Variants in ACBD4 observed in about 807,000 individuals in gnomAD.
ACBD4 encodes the protein acyl-CoA-binding domain-containing protein 4.
A neutral mutation model predicts 46.0 loss-of-function variants in ACBD4; 41 were observed. The ratio of observed to expected loss-of-function variants is 0.89; its 90% confidence interval spans 0.69 to 1.16. The LOEUF is 1.16. Ranked by LOEUF, ACBD4 falls within the 50% of genes most tolerant of loss-of-function variation. The pLI is 0.00. For synonymous variants in ACBD4, 162 were observed against 155.9 expected (o/e 1.04, Z -0.29); for missense variants, 393 against 399.5 (o/e 0.98, Z 0.14).
chr17:45,137,953 A>G lies in ACBD4; in HGVS notation c.614A>G (p.Asp205Gly), dbSNP rs2054977669. 4 of 1,613,818 alleles carry G rather than the reference A, an allele frequency of 2.5e-6. No individual in the cohort carries two copies. In the East Asian group the frequency reaches 8.9e-5, roughly 36 times the overall value. Reference protein sequence around the residue: ...EQRAASGGKRDPRNSPVPPTK... With the variant: ...EQRAASGGKRGPRNSPVPPTK... ...CGGGCAGCATCTGGAGGAAAGCGTGATCCCAGGAACAGCCCCGTGCCCCCC... is the reference window on the plus strand; with the variant it reads ...CGGGCAGCATCTGGAGGAAAGCGTGGTCCCAGGAACAGCCCCGTGCCCCCC... Residue 205 changes from aspartate (D) to glycine (G), a missense_variant, in exon 8 of 10, where the codon GAT (aspartate) becomes GGT (glycine). This residue lies in a region of ACBD4 where 308 missense variants were observed against 301.8 expected (regional missense o/e 1.02). Coordinates refer to ENST00000321854, the MANE Select transcript of ACBD4 (RefSeq NM_001135705.3).
chr17:45,136,034 TG>T (rs1411514847), intron 1 of ACBD4, 73 bp from the exon 2 acceptor site: 3 of 1,141,812 alleles, frequency 2.6e-6, no homozygotes, highest in Admixed American at 4.5e-5. Context: ...TTTGCCCCTC[TG>T]GGAAGTGAAT....
Position 45,137,049 on chromosome 17 carries a change from G to T in ACBD4, c.325G>T (p.Ala109Ser), listed in dbSNP as rs1392253541. The T allele has an allele frequency of 1.2e-6, 2 of 1,614,146 alleles. No homozygotes were observed. The highest frequency in any genetic ancestry group is 1.7e-6 in the Non-Finnish European group (2 of 1,180,014). Residue 109 changes from alanine (A) to serine (S), a missense_variant, in exon 5 of 10, where the codon GCA (alanine) becomes TCA (serine). Transcript: ENST00000321854. ...VIDTVPLGEV[A>S]EDMFGYFEPL... is the part of the protein sequence containing the mutation. Reference sequence around the variant, plus strand: ...CGACACAGTGCCCCTGGGTGAGGTGGCAGAGGACATGTTTGGTTACTTCGA... The same window carrying T: ...CGACACAGTGCCCCTGGGTGAGGTGTCAGAGGACATGTTTGGTTACTTCGA...
upstream of ACBD4, chr17:45,133,198 G>C (rs1239148824): frequency 6.6e-6 from 1 of 152,318 alleles, no homozygotes; most frequent in African/African-American, 2.4e-5. Context: ...ACGTCAACCC[G>C]TGGGTGGGCA....
In ACBD4 at chr17:45,138,390, G is replaced by A. The variant is rs146249404; in HGVS notation, c.649+402G>A. The A allele has an allele frequency of 1.6e-3, 395 of 249,582 alleles. 2 individuals carry two copies. The highest frequency in any genetic ancestry group is 8.4e-3 in the African/African-American group (375 of 44,668). The allele number at this position is 249,582 out of a possible 1,614,324, so 15.5% of individuals were successfully genotyped here. On this transcript the variant is annotated intron_variant, in intron 8 of 9. Coordinates refer to ENST00000321854, the MANE Select transcript of ACBD4 (RefSeq NM_001135705.3). Reference sequence around the variant, plus strand: ...GAACTCCTGTTGTGTGTCAGGTCCTGTATGGACATTTTGAAAAGTTTCTCC... The same window carrying A: ...GAACTCCTGTTGTGTGTCAGGTCCTATATGGACATTTTGAAAAGTTTCTCC...
In ACBD4 at chr17:45,143,675, T is replaced by C. The variant is rs2055433571; in HGVS notation, c.*104T>C. The C allele has an allele frequency of 1.3e-6, 2 of 1,594,990 alleles. No individual in the cohort carries two copies. The highest frequency in any genetic ancestry group is 2.2e-5 in the South Asian group (2 of 89,820). ...CATTCAAAATTCCCCGTCCTGTCAG[T>C]GTTTGCCTTCGCACCTCCTCCCCTA... On this transcript the variant is annotated 3_prime_UTR_variant, in exon 10 of 10. Transcript: ENST00000321854.
At chr17:45,140,989 A>T (rs540049184) in intron 9 of ACBD4, among the ~76,000 whole-genome samples, 121 of 152,328 alleles carry the variant, frequency 7.9e-4, no homozygotes, top group Middle Eastern at 3.4e-3. Flanking sequence ...CTCCAGCCTG[A>T]GCTACAGAGC....
upstream of ACBD4, chr17:45,132,235 G>C: frequency 7.9e-7 from 1 of 1,267,280 alleles, no homozygotes; most frequent in East Asian, 3.0e-5. The surrounding 1 kb of genome is among the most constrained non-coding windows in gnomAD (Gnocchi z 4.6). Context: ...ACCGCCCCTT[G>C]CCCGTCACTG....
intron 9 of ACBD4, among the ~76,000 whole-genome samples, chr17:45,142,389 CAAAAAAAAAAAAAAAAAA>C (rs1161132274): frequency 7.0e-5 from 2 of 28,574 alleles, no homozygotes; most frequent in African/African-American, 1.6e-4. Flanking sequence ...CAAGACTCCT[CAAAAAAAAAAAAAAAAAA>C]AAAAAAAAAA....
upstream of ACBD4, among the ~76,000 whole-genome samples, chr17:45,133,789 CCAAAGTGCTGGGATTA>C (rs2054617279): frequency 6.6e-6 from 1 of 152,032 alleles, no homozygotes; most frequent in African/African-American, 2.4e-5. Context: ...CCTCGGCCTC[CCAAAGTGCTGGGATTA>C]CAGGCGTGAG....
intron 9 of ACBD4, 41 bp downstream of exon 9, chr17:45,139,201 C>T: frequency 6.2e-7 from 1 of 1,608,166 alleles, no homozygotes; most frequent in Non-Finnish European, 8.5e-7. Context: ...ATGGCAGAAT[C>T]CGGTCTTTAT....
rs557096165 is a variant in ACBD4, at chr17:45,138,529, G to C, written c.650-492G>C. ...ACTTTGGCCGGGCACGATGGCTCAC[G>C]CCTGTAATCCCAGCACTTTGGGAGG... On this transcript the variant is annotated intron_variant, in intron 8 of 9. Transcript: ENST00000321854. The C allele has an allele frequency of 2.2e-5, 4 of 184,922 alleles. No homozygotes were observed. The South Asian group carries it at 4.6e-4, about 21-fold the overall frequency. 11.5% of individuals were successfully genotyped at this position (184,922 alleles called of 1,614,324 possible). A position where few individuals can be genotyped will look rare whatever the true frequency, so the allele number is the denominator to read the frequency against.
upstream of ACBD4, chr17:45,132,389 G>T (rs1215969939): frequency 1.4e-5 from 17 of 1,224,392 alleles, no homozygotes; most frequent in Non-Finnish European, 1.7e-5. This position sits in a 1 kb window ranked among gnomAD's most constrained non-coding sequence, Gnocchi z 4.6. Flanking sequence ...CGGCGGCAAC[G>T]CCTCCAGCGG....
intron 8 of ACBD4, 124 bp from the exon 9 acceptor site, chr17:45,138,897 C>T: frequency 9.5e-7 from 1 of 1,058,028 alleles, no homozygotes; most frequent in Non-Finnish European, 1.4e-6. Flanking sequence ...TTGCAAGAAT[C>T]ACACTTGGTA....
At chr17:45,132,432 C>T, upstream of ACBD4, 1 of 1,196,750 alleles carries the variant, frequency 8.4e-7, no homozygotes, top group Middle Eastern at 3.3e-4. This position sits in a 1 kb window ranked among gnomAD's most constrained non-coding sequence, Gnocchi z 4.6. Context: ...GGGCCGGGGC[C>T]GGGCCCGGGG....
intron 9 of ACBD4, among the ~76,000 whole-genome samples, chr17:45,140,301 A>G (rs908546609): frequency 1.3e-5 from 2 of 150,722 alleles, no homozygotes; most frequent in African/African-American, 4.9e-5. Context: ...CTCCTGCCTC[A>G]GCCTCCGGAG....
rs1426823266 is a variant in ACBD4, at chr17:45,139,145, C to T, written c.774C>T (p.Pro258=). The T allele has an allele frequency of 2.5e-6, 4 of 1,613,624 alleles. No homozygotes were observed. Among genetic ancestry groups the T allele is most frequent in the African/African-American group, 1.3e-5 (1 of 75,040 alleles). ...GGGTGCAGAGCCTGGAGAGCATGCCCCGGCCCCCTGAGCAGGTAGAGTCCC... is the reference window on the plus strand; with the variant it reads ...GGGTGCAGAGCCTGGAGAGCATGCCTCGGCCCCCTGAGCAGGTAGAGTCCC... ...QARVQSLESM[P]RPPEQRPQPR... The change falls in exon 9 of 10, where the codon CCC becomes CCT. Residue 258 remains proline (P), a synonymous_variant. Transcript: ENST00000321854.
rs112334636 is a variant in ACBD4, at chr17:45,135,812, T to G, written c.-179T>G. ...AGACTGTTCGCCCCGCCCTGAGTAC[T>G]CCTATCTTGTTTCTCCACCTGTTCG... On this transcript the variant is annotated 5_prime_UTR_variant, in exon 1 of 10. Coordinates refer to ENST00000321854, the MANE Select transcript of ACBD4 (RefSeq NM_001135705.3). The G allele has an allele frequency of 8.2e-4, 223 of 271,604 alleles. 2 individuals carry two copies. Among genetic ancestry groups the G allele is most frequent in the African/African-American group, 4.7e-3 (211 of 45,116 alleles). 16.8% of individuals were successfully genotyped at this position (271,604 alleles called of 1,614,324 possible).
At chr17:45,139,974 G>T (rs1288038266) in intron 9 of ACBD4, among the ~76,000 whole-genome samples, 1 of 152,134 alleles carries the variant, frequency 6.6e-6, no homozygotes, top group Non-Finnish European at 1.5e-5. Flanking sequence ...CTCTGAGTGG[G>T]TCTGTTCTTG....
upstream of ACBD4, chr17:45,132,323 C>A (rs765263872): frequency 2.5e-5 from 31 of 1,241,400 alleles, no homozygotes; most frequent in African/African-American, 4.8e-4. This position sits in a 1 kb window ranked among gnomAD's most constrained non-coding sequence, Gnocchi z 4.6. Context: ...GGGAGAGCGA[C>A]CGGCGCCGCG....
Sources: gnomAD v4.1 joint callset for allele counts (sites outside exome capture counted in the v4.1 genomes callset) on GRCh38, gnomAD v4.1.1 for gene constraint, gnomAD v4.1.1 regional missense constraint, Gnocchi (gnomAD v3.1) non-coding constraint, MANE v1.5 for transcripts, NCBI Gene and HGNC (gene_info 2026-07-23, HGNC 2026-07-21) for gene names.